The following SPTB variants were observed in gnomAD, a reference collection of about 807,000 sequenced individuals.
SPTB encodes spectrin beta chain, erythrocytic.
In SPTB, 45 loss-of-function variants were observed where a neutral mutation model predicts 256.2. That is an observed-to-expected ratio of 0.18 (90% CI 0.14 to 0.23). SPTB has a LOEUF of 0.23. SPTB is among the 10% of genes least tolerant of loss of function. SPTB has a pLI of 1.00. For missense variants in SPTB, 2,715 were observed against 3,040.4 expected, an observed-to-expected ratio of 0.89 and a Z score of 2.52; for synonymous variants, 1,231 against 1,243.1, an observed-to-expected ratio of 0.99 and a Z score of 0.21.
intron 28 of SPTB, 47 bp downstream of exon 28, chr14:64,769,543 G>A (rs749444493): frequency 6.2e-7 from 1 of 1,610,052 alleles, no homozygotes; most frequent in East Asian, 2.2e-5. Flanking sequence ...CTGGCACAGT[G>A]GGGACGGAGA....
chr14:64,797,905 G>A, intron 9 of SPTB, 59 bp from the exon 10 acceptor site: 1 of 1,290,998 alleles, frequency 7.7e-7, no homozygotes, highest in East Asian at 2.3e-5. Flanking sequence ...AAATTTTTTT[G>A]CTAAAGTCAA....
rs1051789014 is a variant in SPTB, at chr14:64,759,229, A to C, written c.6346-5436T>G. Among the ~76,000 whole-genome samples, 1 of 152,060 alleles carries C rather than the reference A, an allele frequency of 6.6e-6. No homozygotes were observed. The highest frequency in any genetic ancestry group is 6.5e-5 in the Admixed American group (1 of 15,276). ...GAAAGGGCACCACAGGTGGTGTGGG[A>C]AGGCAGGGAGCCAAGTAGCTAGGCA... On this transcript the variant is annotated intron_variant, in intron 32 of 35. Coordinates refer to ENST00000644917, the MANE Select transcript of SPTB (RefSeq NM_001355436.2). The surrounding 1 kb of genome is among the most constrained non-coding windows in gnomAD (Gnocchi z 4.8).
rs2082045814 is a variant in SPTB, at chr14:64,758,360, A to G, written c.6346-4567T>C. ...GTTGGAACATTCTGAGGCTTGAGAC[A>G]GGAAGGGAGAAGCCATGTGAACAGG... On this transcript the variant is annotated intron_variant, in intron 32 of 35. Transcript: ENST00000644917. This position sits in a 1 kb window ranked among gnomAD's most constrained non-coding sequence, Gnocchi z 4.6. Among the ~76,000 whole-genome samples, 1 of 152,254 alleles carries G rather than the reference A, an allele frequency of 6.6e-6. No homozygotes were observed. The highest frequency in any genetic ancestry group is 1.5e-5 in the Non-Finnish European group (1 of 68,042).
At chr14:64,798,348 T>C (rs2082816378) in intron 9 of SPTB, among the ~76,000 whole-genome samples, 1 of 152,160 alleles carries the variant, frequency 6.6e-6, no homozygotes, top group African/African-American at 2.4e-5. Context: ...GAGCCAGATC[T>C]CCTGACAAGT....
chr14:64,794,127 AAATT>A (rs2082725280), intron 13 of SPTB, among the ~76,000 whole-genome samples: 1 of 152,204 alleles, frequency 6.6e-6, no homozygotes, highest in African/African-American at 2.4e-5. Flanking sequence ...AATTATTTTT[AAATT>A]AATTAAAAAA....
rs772895139 is a variant in SPTB, at chr14:64,793,849, G to A, written c.1814C>T (p.Pro605Leu). Reference protein sequence around the residue: ...TEGKGYQPCDPQVIQDRISHL... With the variant: ...TEGKGYQPCDLQVIQDRISHL... ...GCTGATGCGGTCCTGGATGACCTGG[G>A]GGTCACAAGGCTGGTACCCTGGAAG... Residue 605 changes from proline (P) to leucine (L), a missense_variant, in exon 14 of 36, where the codon CCC (proline) becomes CTC (leucine). By Grantham distance (98) the Pro-to-Leu change is moderately conservative (BLOSUM62 -3). Transcript: ENST00000644917. The surrounding 1 kb of genome is among the most constrained non-coding windows in gnomAD (Gnocchi z 7.0). The A allele has an allele frequency of 7.5e-6, 12 of 1,606,504 alleles. No individual in the cohort carries two copies. The highest frequency in any genetic ancestry group is 9.3e-6 in the Non-Finnish European group (11 of 1,179,432).
intron 15 of SPTB, 123 bp from the exon 16 acceptor site, chr14:64,787,283 A>T: frequency 7.7e-7 from 1 of 1,291,054 alleles, no homozygotes; most frequent in Non-Finnish European, 1.1e-6. Flanking sequence ...TTTGTATGAT[A>T]AAAAGAAAAA....
chr14:64,749,772 A>G lies in SPTB; in HGVS notation c.6777-76T>C, dbSNP rs1249559834. 2 of 1,571,482 alleles carry G rather than the reference A, an allele frequency of 1.3e-6. No individual in the cohort carries two copies. The highest frequency in any genetic ancestry group is 1.8e-5 in the Admixed American group (1 of 55,436). On this transcript the variant is annotated intron_variant, in intron 34 of 35. Transcript: ENST00000644917. The surrounding 1 kb of genome is among the most constrained non-coding windows in gnomAD (Gnocchi z 4.7). ...TGGGCAGAGGGCTGGCTCTGATCCC[A>G]CAATACCCTGAGCCGAACATCCAGA...
At chr14:64,867,453 A>C (rs1357541952) in intron 1 of SPTB, among the ~76,000 whole-genome samples, 1 of 152,194 alleles carries the variant, frequency 6.6e-6, no homozygotes, top group African/African-American at 2.4e-5. Flanking sequence ...ACAGCAAAAG[A>C]GGAAGGAATG....
intron 1 of SPTB, among the ~76,000 whole-genome samples, chr14:64,835,243 C>T (rs1163248044): frequency 6.6e-6 from 1 of 152,112 alleles, no homozygotes; most frequent in Non-Finnish European, 1.5e-5. Context: ...TCTTCAGGCC[C>T]TGTAGAGTCC....
intron 1 of SPTB, among the ~76,000 whole-genome samples, chr14:64,848,381 A>G (rs547528194): frequency 6.6e-6 from 1 of 152,228 alleles, no homozygotes; most frequent in Non-Finnish European, 1.5e-5. Flanking sequence ...CTCCTAAATG[A>G]GACTCAAGCC....
In SPTB at chr14:64,799,920, G is replaced by A. The variant is rs1405959116; in HGVS notation, c.891C>T (p.Ala297=). 2 of 1,614,186 alleles carry A rather than the reference G, an allele frequency of 1.2e-6. No homozygotes were observed. Among genetic ancestry groups the A allele is most frequent in the South Asian group, 1.1e-5 (1 of 91,082 alleles). ...GKRVGKVIDH[A]IETEKMIEKY... ...TTTCAATCATCTTCTCAGTCTCAAT[G>A]GCATGGTCAATAACCTAAGGAATCA... Residue 297 remains alanine (A), a synonymous_variant, in exon 9 of 36, where the codon GCC becomes GCT. Transcript: ENST00000644917.
In SPTB at chr14:64,852,329, G is replaced by C. The variant is rs560340606; in HGVS notation, c.-52+27463C>G. On this transcript the variant is annotated intron_variant, in intron 1 of 35. Coordinates refer to ENST00000644917, the MANE Select transcript of SPTB (RefSeq NM_001355436.2). The surrounding 1 kb of genome is among the most constrained non-coding windows in gnomAD (Gnocchi z 4.2). ...GGAAGAAACAGCCTGGAGATCCTGG[G>C]AAACTGCTACCAGTTCAGAGAGGGG... Among the ~76,000 whole-genome samples, 3 of 152,278 alleles carry C rather than the reference G, an allele frequency of 2.0e-5. No individual in the cohort carries two copies. In the South Asian group the frequency reaches 6.2e-4, roughly 32 times the overall value.
chr14:64,853,691 G>A lies in SPTB; in HGVS notation c.-52+26101C>T, dbSNP rs957736223. Among the ~76,000 whole-genome samples the A allele has an allele frequency of 4.6e-5, 7 of 152,112 alleles. No individual in the cohort carries two copies. In the East Asian group the frequency reaches 5.8e-4, roughly 13 times the overall value. On this transcript the variant is annotated intron_variant, in intron 1 of 35. Transcript: ENST00000644917. The surrounding 1 kb of genome is among the most constrained non-coding windows in gnomAD (Gnocchi z 4.3). ...GGCCAAGGGACAGTTGTATTCAATG[G>A]GAAAGACCTGAACTTATCTATAGGC...
At position 64,774,465 on chromosome 14, in the gene SPTB, G is replaced by A. The variant is rs139041092; in HGVS notation, c.4905C>T (p.Asp1635=). ...RHLRQQRAVE[D]YGRNIKQLAS... ...CCAGCTGCTTGATGTTCCGGCCGTA[G>A]TCCTCCACCGCACGCTGCTGCCGCA... Residue 1635 remains aspartate, a synonymous_variant, in exon 24 of 36, where the codon GAC becomes GAT. Coordinates refer to ENST00000644917, the MANE Select transcript of SPTB (RefSeq NM_001355436.2). The A allele has an allele frequency of 9.6e-6, 15 of 1,560,890 alleles. No homozygotes were observed. Among genetic ancestry groups the A allele is most frequent in the African/African-American group, 8.2e-5 (6 of 73,570 alleles).
At chr14:64,801,962 G>A (rs1466589094) in intron 5 of SPTB, 128 bp from the exon 6 acceptor site, 1 of 970,946 alleles carries the variant, frequency 1.0e-6, no homozygotes, top group Non-Finnish European at 1.6e-6. Flanking sequence ...GTCACCAAGA[G>A]GGGGCAGCAG....
At position 64,825,206 on chromosome 14, in the gene SPTB, G is replaced by A. The variant is rs377199957; in HGVS notation, c.-51-2061C>T. ...GTGGGGAAAGGACATGGTGCATGGG[G>A]ACAGAGGGCATTTCCCAGCCAGGGC... is the stretch of plus-strand genomic sequence containing the variant. On this transcript the variant is annotated intron_variant, in intron 1 of 35. Coordinates refer to ENST00000644917, the MANE Select transcript of SPTB (RefSeq NM_001355436.2). The surrounding 1 kb of genome is among the most constrained non-coding windows in gnomAD (Gnocchi z 4.8). Among the ~76,000 whole-genome samples, 97 of 152,232 alleles carry A rather than the reference G, an allele frequency of 6.4e-4. No individual in the cohort carries two copies. Among genetic ancestry groups the A allele is most frequent in the African/African-American group, 2.0e-3 (84 of 41,520 alleles).
chr14:64,799,902 C>T lies in SPTB; in HGVS notation c.909G>A (p.Met303Ile), dbSNP rs368472797. The T allele has an allele frequency of 9.2e-5, 149 of 1,614,134 alleles. No individual in the cohort carries two copies. Among genetic ancestry groups the T allele is most frequent in the Non-Finnish European group, 1.2e-4 (145 of 1,180,062 alleles). The change falls in exon 9 of 36, where the codon ATG (methionine) becomes ATA (isoleucine). Residue 303 changes from methionine to isoleucine, a missense_variant. Physicochemically the swap from Met to Ile is conservative, Grantham distance 10. Transcript: ENST00000644917. ...AGGCTAGCCCGCTGTACTTTTCAAT[C>T]ATCTTCTCAGTCTCAATGGCATGGT... is the stretch of plus-strand genomic sequence containing the variant. The part of the protein sequence containing the change: ...VIDHAIETEK[M>I]IEKYSGLASD...
chr14:64,814,442 A>T (rs772027211), intron 2 of SPTB, among the ~76,000 whole-genome samples: 12 of 152,114 alleles, frequency 7.9e-5, no homozygotes, highest in Non-Finnish European at 1.2e-4. Context: ...TGTTTTTCTC[A>T]TATTTTCTAT....
Sources: allele counts gnomAD v4.1 joint callset (sites outside exome capture counted in the v4.1 genomes callset), GRCh38; gene constraint gnomAD v4.1.1; non-coding constraint Gnocchi (gnomAD v3.1); transcripts MANE v1.5; gene names NCBI Gene and HGNC (gene_info 2026-07-23, HGNC 2026-07-21).